CDH13: variants seen among roughly 807,000 people sequenced by gnomAD.
The protein encoded by CDH13 is cadherin 13.
CDH13 carries 24 observed loss-of-function variants against 63.8 expected under a neutral mutation model. The observed-to-expected ratio is 0.38, with a 90% CI of 0.27 to 0.53. CDH13 has a LOEUF of 0.53. Among genes scored for constraint, CDH13 ranks in the 20% least tolerant of loss-of-function variants. The pLI is 0.85. For missense variants in CDH13, 1,049 were observed against 903.1 expected (o/e 1.16, Z -2.07); for synonymous variants, 503 against 355.3 (o/e 1.42, Z -4.67).
intron 2 of CDH13, among the ~76,000 whole-genome samples, chr16:82,908,573 A>G (rs2041723305): frequency 6.6e-6 from 1 of 152,226 alleles, no homozygotes; most frequent in Admixed American, 6.5e-5. Context: ...TAAATAGTTC[A>G]GAAAAACAGA....
chr16:82,809,004 T>C (rs1291456695), intron 1 of CDH13, among the ~76,000 whole-genome samples: 1 of 152,174 alleles, frequency 6.6e-6, no homozygotes, highest in Non-Finnish European at 1.5e-5. Context: ...TGTATGGGTA[T>C]ATATACACGT....
At chr16:83,523,065 A>T (rs927867285) in intron 7 of CDH13, among the ~76,000 whole-genome samples, 2 of 152,004 alleles carry the variant, frequency 1.3e-5, no homozygotes, top group Admixed American at 1.3e-4. Context: ...GCATTTCTGG[A>T]CCCCCGGCCT....
At chr16:83,109,973 G>T (rs990810185) in intron 3 of CDH13, among the ~76,000 whole-genome samples, 1 of 152,214 alleles carries the variant, frequency 6.6e-6, no homozygotes, top group East Asian at 1.9e-4. Context: ...CATCTTGGAA[G>T]TGTGGTTTGG....
Position 83,549,479 on chromosome 16 carries a change from G to A in CDH13, c.961-52975G>A, listed in dbSNP as rs562108104. ...TGTGAGCCTCAGGCTGCCTGCTGCCGGTTGCAGGCTGCCATATGCTTCACC... is the reference window on the plus strand; with the variant it reads ...TGTGAGCCTCAGGCTGCCTGCTGCCAGTTGCAGGCTGCCATATGCTTCACC... On this transcript the variant is annotated intron_variant, in intron 7 of 13. Coordinates refer to ENST00000567109, the MANE Select transcript of CDH13 (RefSeq NM_001257.5). 9.9e-5 allele frequency among the ~76,000 whole-genome samples: 15 copies of A among 152,220 alleles called. No homozygotes were observed. The South Asian group carries it at 1.0e-3, about 11-fold the overall frequency.
intron 2 of CDH13, among the ~76,000 whole-genome samples, chr16:82,880,991 C>G (rs1451348870): frequency 6.6e-6 from 1 of 152,168 alleles, no homozygotes; most frequent in African/African-American, 2.4e-5. Context: ...CCCGTGGTGT[C>G]TAGTGTCTCT....
At chr16:83,372,285 A>C (rs180808734) in intron 6 of CDH13, among the ~76,000 whole-genome samples, 1 of 152,216 alleles carries the variant, frequency 6.6e-6, no homozygotes, top group Non-Finnish European at 1.5e-5. Context: ...TTCAAATTCC[A>C]GAAGTCTGAT....
chr16:82,867,939 T>G (rs9937831), intron 2 of CDH13, among the ~76,000 whole-genome samples: 56,010 of 152,126 alleles, frequency 0.37, 10,725 homozygotes, highest in Middle Eastern at 0.43. Context: ...ATTCTTTTAC[T>G]TTTGCTTTCA....
intron 2 of CDH13, among the ~76,000 whole-genome samples, chr16:83,016,500 A>G (rs1158293543): frequency 6.6e-6 from 1 of 152,206 alleles, no homozygotes; most frequent in Non-Finnish European, 1.5e-5. Flanking sequence ...CTTCCAGATT[A>G]CCAAAGGGCA....
At chr16:82,735,714 C>T (rs925830219) in intron 1 of CDH13, among the ~76,000 whole-genome samples, 5 of 152,152 alleles carry the variant, frequency 3.3e-5, no homozygotes, top group Non-Finnish European at 4.4e-5. Flanking sequence ...CTGAGGAAAG[C>T]GAGACCACAA....
intron 5 of CDH13, among the ~76,000 whole-genome samples, chr16:83,247,512 C>T (rs1337401019): frequency 2.6e-5 from 4 of 151,202 alleles, no homozygotes; most frequent in African/African-American, 9.7e-5. Flanking sequence ...TTTTAATTAA[C>T]AGTGTCTGTT....
At chr16:83,681,621 CT>C in intron 10 of CDH13, among the ~76,000 whole-genome samples, 1 of 152,250 alleles carries the variant, frequency 6.6e-6, no homozygotes, top group South Asian at 2.1e-4. Context: ...CCCTCCACCC[CT>C]CTCCTCTCCT....
chr16:83,116,906 G>C (rs1168731339), intron 3 of CDH13, among the ~76,000 whole-genome samples: 1 of 152,176 alleles, frequency 6.6e-6, no homozygotes, highest in East Asian at 1.9e-4. Flanking sequence ...AGTGTTCACT[G>C]CAGGACAATG....
chr16:82,767,905 T>C (rs192336760), intron 1 of CDH13, among the ~76,000 whole-genome samples: 1 of 152,268 alleles, frequency 6.6e-6, no homozygotes, highest in African/African-American at 2.4e-5. Context: ...ACAGGTACTC[T>C]TCACCCCACG....
chr16:82,688,136 A>T (rs1412102604), intron 1 of CDH13, among the ~76,000 whole-genome samples: 1 of 152,162 alleles, frequency 6.6e-6, no homozygotes, highest in African/African-American at 2.4e-5. Flanking sequence ...CTAAACAAGT[A>T]ACCACAGGGT....
chr16:83,473,091 G>A (rs12102483), intron 6 of CDH13, among the ~76,000 whole-genome samples: 152,223 of 152,334 alleles, frequency 1, 76,056 homozygotes, highest in Non-Finnish European at 1. Flanking sequence ...CAATCCCAGC[G>A]CATTTAATTT....
intron 8 of CDH13, among the ~76,000 whole-genome samples, chr16:83,637,181 AAC>A (rs1220760605): frequency 6.6e-6 from 1 of 152,180 alleles, no homozygotes; most frequent in Non-Finnish European, 1.5e-5. Context: ...TTCTGATTAA[AAC>A]ATAACTCATT....
intron 3 of CDH13, among the ~76,000 whole-genome samples, chr16:83,057,626 C>G (rs2031083083): frequency 6.6e-6 from 1 of 150,732 alleles, no homozygotes; most frequent in Non-Finnish European, 1.5e-5. Flanking sequence ...GGCTGTAAGG[C>G]TAAATCCTTA....
chr16:83,064,996 AT>A (rs1196206402), intron 3 of CDH13, among the ~76,000 whole-genome samples: 1 of 152,124 alleles, frequency 6.6e-6, no homozygotes, highest in African/African-American at 2.4e-5. Flanking sequence ...GCTAAAAAAA[AT>A]CTCCCCAGTC....
intron 6 of CDH13, among the ~76,000 whole-genome samples, chr16:83,458,605 T>G (rs942308092): frequency 6.6e-6 from 1 of 152,244 alleles, no homozygotes; most frequent in Non-Finnish European, 1.5e-5. Context: ...TACTATTTTT[T>G]CATAGCTATG....
Sources: allele counts gnomAD v4.1 joint callset (sites outside exome capture counted in the v4.1 genomes callset), GRCh38; gene constraint gnomAD v4.1.1; transcripts MANE v1.5; gene names NCBI Gene and HGNC (gene_info 2026-07-23, HGNC 2026-07-21).